The following SOX5 variants were observed in gnomAD, a reference collection of about 807,000 sequenced individuals.
SOX5 encodes transcription factor SOX-5.
A neutral mutation model predicts 92.0 loss-of-function variants in SOX5; 9 were observed. The observed-to-expected ratio is 0.10, with a 90% CI of 0.06 to 0.17. The LOEUF is 0.17. SOX5 is among the 10% of genes least tolerant of loss of function. SOX5 has a pLI of 1.00. For missense variants in SOX5, 642 were observed against 944.5 expected, an observed-to-expected ratio of 0.68 and a Z score of 4.20; for synonymous variants, 344 against 336.3, an observed-to-expected ratio of 1.02 and a Z score of -0.25.
Position 24,095,152 on chromosome 12 carries a change from G to GAGAGAGAGAC in SOX5, c.-2+118190_-2+118191insGTCTCTCTCT, listed in dbSNP as rs879260192. On this transcript the variant is annotated intron_variant, in intron 4 of 4. Transcript: ENST00000446891. ...ACAGAGAGAGAGAGAGAGAGAGAGAGAGAGACAGAGACAGAGAGACAGAGA... is the reference window on the plus strand; with the variant it reads ...ACAGAGAGAGAGAGAGAGAGAGAGAGAGAGAGAGACAGAGACAGAGACAGAGAGACAGAGA... Among the ~76,000 whole-genome samples the GAGAGAGAGAC allele has an allele frequency of 1.8e-4, 25 of 137,668 alleles. No homozygotes were observed. The East Asian group carries it at 2.1e-3, about 12-fold the overall frequency. 90.3% of individuals were successfully genotyped at this position (137,668 alleles called of 152,430 possible).
At chr12:23,961,782 CAGA>C (rs1181724596) in intron 4 of SOX5, among the ~76,000 whole-genome samples, 1 of 152,168 alleles carries the variant, frequency 6.6e-6, no homozygotes, top group Non-Finnish European at 1.5e-5. Flanking sequence ...AAGAAAAAAT[CAGA>C]AGACTTCAGG....
chr12:23,655,129 A>G (rs974838478), intron 7 of SOX5, among the ~76,000 whole-genome samples: 4 of 152,130 alleles, frequency 2.6e-5, no homozygotes, highest in African/African-American at 9.7e-5. Context: ...CTTTCTGCAT[A>G]TAAAAAATAC....
intron 4 of SOX5, among the ~76,000 whole-genome samples, chr12:24,044,254 T>C (rs1173133342): frequency 6.6e-6 from 1 of 151,530 alleles, no homozygotes; most frequent in African/African-American, 2.4e-5. Context: ...AAGGACATAA[T>C]GCCTCAGCGG....
chr12:24,444,643 T>C (rs1350317969), intron 1 of SOX5, among the ~76,000 whole-genome samples: 1 of 152,152 alleles, frequency 6.6e-6, no homozygotes, highest in Non-Finnish European at 1.5e-5. Context: ...GGCCCCTCTC[T>C]GGGAACTGCC....
At chr12:23,943,860 G>A (rs973875427) in intron 1 of SOX5, among the ~76,000 whole-genome samples, 2 of 152,002 alleles carry the variant, frequency 1.3e-5, no homozygotes, top group African/African-American at 4.8e-5. Flanking sequence ...CCTTGTAATA[G>A]ATTAATTACT....
intron 2 of SOX5, among the ~76,000 whole-genome samples, chr12:24,301,475 T>C (rs1158677198): frequency 4.6e-5 from 7 of 152,182 alleles, no homozygotes; most frequent in East Asian, 1.9e-4. Flanking sequence ...ATGATAACCA[T>C]GAATTATGCA....
Position 24,038,894 on chromosome 12 carries a change from C to G in SOX5, c.-1-142870G>C, listed in dbSNP as rs568296543. On this transcript the variant is annotated intron_variant, in intron 4 of 4. Coordinates refer to the SOX5 transcript ENST00000446891. ...AGGCTCAACCAAGTTACAGAATTCT[C>G]TGTGGTTTTTATCTGGACATCTAAT... 2.0e-5 allele frequency among the ~76,000 whole-genome samples: 3 copies of G among 152,250 alleles called. No individual in the cohort carries two copies. In the East Asian group the frequency reaches 5.8e-4, roughly 29 times the overall value.
At chr12:24,333,709 T>A (rs1483464336) in intron 2 of SOX5, among the ~76,000 whole-genome samples, 3 of 152,088 alleles carry the variant, frequency 2.0e-5, no homozygotes, top group Non-Finnish European at 4.4e-5. Flanking sequence ...AAATACATTA[T>A]ACCACTAATA....
intron 1 of SOX5, among the ~76,000 whole-genome samples, chr12:24,518,696 A>G (rs1343043315): frequency 6.6e-6 from 1 of 152,228 alleles, no homozygotes. Context: ...GATATCACAC[A>G]TAGTCATTTA....
chr12:24,098,236 T>C (rs914880758), intron 4 of SOX5, among the ~76,000 whole-genome samples: 2 of 152,154 alleles, frequency 1.3e-5, no homozygotes, highest in African/African-American at 4.8e-5. Context: ...CACACATCCT[T>C]ATTAACCACT....
chr12:24,295,683 C>G (rs968444486), intron 2 of SOX5, among the ~76,000 whole-genome samples: 1 of 152,118 alleles, frequency 6.6e-6, no homozygotes, highest in Non-Finnish European at 1.5e-5. Flanking sequence ...CCTGCCTCAG[C>G]CCCTCCTGAT....
At chr12:23,722,201 A>G (rs953286297) in intron 6 of SOX5, among the ~76,000 whole-genome samples, 3 of 152,246 alleles carry the variant, frequency 2.0e-5, no homozygotes, top group Admixed American at 6.5e-5. Flanking sequence ...AAAGCTGAAT[A>G]TACTTTCATT....
chr12:23,732,297 CAT>C (rs1382749501), intron 6 of SOX5, among the ~76,000 whole-genome samples: 2 of 152,174 alleles, frequency 1.3e-5, no homozygotes, highest in Non-Finnish European at 2.9e-5. Context: ...CCTATTTCTA[CAT>C]ATGTCACCAC....
At chr12:24,055,126 T>C (rs1957970885) in intron 4 of SOX5, among the ~76,000 whole-genome samples, 1 of 152,176 alleles carries the variant, frequency 6.6e-6, no homozygotes, top group Non-Finnish European at 1.5e-5. Context: ...AACATAAAAA[T>C]GTACTCTTTT....
At chr12:24,430,103 C>G (rs981684724) in intron 1 of SOX5, among the ~76,000 whole-genome samples, 3 of 151,994 alleles carry the variant, frequency 2.0e-5, no homozygotes. Context: ...AAGCACATAC[C>G]AATAGTCTAT....
At chr12:24,213,682 T>C (rs1594339764) in intron 3 of SOX5, among the ~76,000 whole-genome samples, 1 of 151,896 alleles carries the variant, frequency 6.6e-6, no homozygotes, top group East Asian at 1.9e-4. Flanking sequence ...GGCTAATGAA[T>C]GAAAAATCAA....
intron 6 of SOX5, among the ~76,000 whole-genome samples, chr12:23,692,954 C>CT (rs2089151581): frequency 6.6e-6 from 1 of 152,098 alleles, no homozygotes; most frequent in South Asian, 2.1e-4. Flanking sequence ...GGCTTAAAGT[C>CT]TATTTTTTCC....
intron 11 of SOX5, among the ~76,000 whole-genome samples, chr12:23,554,434 CT>C (rs972937129): frequency 3.3e-5 from 5 of 152,140 alleles, no homozygotes; most frequent in African/African-American, 1.2e-4. Context: ...AACTGCGTTA[CT>C]TTCTGGAATT....
chr12:24,221,205 C>T (rs527603986), intron 3 of SOX5, among the ~76,000 whole-genome samples: 35 of 152,132 alleles, frequency 2.3e-4, no homozygotes, highest in Non-Finnish European at 4.6e-4. Context: ...GTAATTGTTA[C>T]TAATATGGAA....
Sources: gnomAD v4.1 joint callset for allele counts (sites outside exome capture counted in the v4.1 genomes callset) on GRCh38, gnomAD v4.1.1 for gene constraint, MANE v1.5 for transcripts, NCBI Gene and HGNC (gene_info 2026-07-23, HGNC 2026-07-21) for gene names.